The following NOX4 variants were observed in gnomAD, a reference collection of about 807,000 sequenced individuals.
NOX4 encodes kidney oxidase-1.
NOX4 carries 69 observed loss-of-function variants against 87.6 expected under a neutral mutation model. The ratio of observed to expected loss-of-function variants is 0.79; its 90% CI spans 0.65 to 0.96. The LOEUF (loss-of-function observed/expected upper bound fraction) is 0.96, where lower values mean the gene tolerates loss of function less well. Among genes scored for constraint, NOX4 ranks in the 40% least tolerant of loss-of-function variants. NOX4 has a pLI of 0.00. For synonymous variants in NOX4, 275 were observed against 238.2 expected (o/e 1.15, Z -1.42); for missense variants, 680 against 681.5 (o/e 1.00, Z 0.02).
intron 13 of NOX4, among the ~76,000 whole-genome samples, chr11:89,349,679 A>G (rs1376470801): frequency 6.6e-6 from 1 of 152,216 alleles, no homozygotes; most frequent in Admixed American, 6.5e-5. Flanking sequence ...AACAGTTCCG[A>G]TATTAGGAAG....
chr11:89,436,416 CT>C lies in NOX4; in HGVS notation c.476-3561del, dbSNP rs375467586. Among the ~76,000 whole-genome samples the C allele has an allele frequency of 2.9e-3, 442 of 152,270 alleles. 1 individual carries two copies. The highest frequency in any genetic ancestry group is 8.8e-3 in the African/African-American group (365 of 41,550). On this transcript the variant is annotated intron_variant, in intron 6 of 17. Coordinates refer to ENST00000263317, the MANE Select transcript of NOX4 (RefSeq NM_016931.5). ...AGTCTAATCTCACCGGGCAAAGTTG[CT>C]TGTCCAAGTGAAGTACCTTGATTCT...
At chr11:89,555,182 T>TA in the NOX4 span, among the ~76,000 whole-genome samples, 95,188 of 149,928 alleles carry the variant, frequency 0.63, 30,445 homozygotes, top group Non-Finnish European at 0.69. Context: ...CCAGAGTTGT[T>TA]AAAAAAAAAA....
At chr11:89,461,852 G>A (rs994541818) in intron 2 of NOX4, among the ~76,000 whole-genome samples, 7 of 151,842 alleles carry the variant, frequency 4.6e-5, no homozygotes, top group African/African-American at 7.3e-5. Flanking sequence ...TAATGTTTGC[G>A]TTACCCATCT....
intron 5 of NOX4, 73 bp downstream of exon 5, chr11:89,444,062 G>C: frequency 7.6e-7 from 1 of 1,309,588 alleles, no homozygotes; most frequent in Non-Finnish European, 1.1e-6. Flanking sequence ...CAAATTTTCA[G>C]GGAAAAATCA....
At chr11:89,388,688 T>C (rs1940895830) in intron 11 of NOX4, among the ~76,000 whole-genome samples, 1 of 152,130 alleles carries the variant, frequency 6.6e-6, no homozygotes, top group South Asian at 2.1e-4. Context: ...TAGAAGACCA[T>C]AAAAGGCAAA....
intron 12 of NOX4, among the ~76,000 whole-genome samples, chr11:89,362,623 C>T (rs1315907767): frequency 1.3e-5 from 2 of 151,756 alleles, no homozygotes; most frequent in African/African-American, 2.4e-5. Flanking sequence ...TCTATCTATA[C>T]GTGTGTGTGT....
intron 7 of NOX4, among the ~76,000 whole-genome samples, chr11:89,428,105 T>C (rs939412540): frequency 2.6e-5 from 4 of 152,176 alleles, no homozygotes; most frequent in African/African-American, 9.7e-5. Flanking sequence ...CAGAATTTCA[T>C]ATCCAACCAA....
chr11:89,438,190 A>C (rs1944179684), intron 6 of NOX4, among the ~76,000 whole-genome samples: 1 of 146,340 alleles, frequency 6.8e-6, no homozygotes, highest in South Asian at 2.1e-4. Flanking sequence ...TATAAGAAGT[A>C]TTAGTTATTA....
intron 11 of NOX4, among the ~76,000 whole-genome samples, chr11:89,380,344 G>A (rs919204255): frequency 1.3e-5 from 2 of 152,122 alleles, no homozygotes; most frequent in Non-Finnish European, 1.5e-5. Context: ...CTGCTTATTG[G>A]TCAAACCCAT....
In NOX4 at chr11:89,421,908, A is replaced by G; in HGVS notation, c.623T>C (p.Val208Ala). ...CATACATTTGTAAACTTACCCTGAA[A>G]CATGCAACGTCAGCAGCATGTAGAA... Reference protein sequence around the residue: ...FVFYMLLTLHVSGGLLKYQTN... With the variant: ...FVFYMLLTLHASGGLLKYQTN... Residue 208 changes from valine (V) to alanine (A), a missense_variant, in exon 8 of 18, where the codon GTT becomes GCT. By Grantham distance (64) the Val-to-Ala change is moderately conservative. Transcript: ENST00000263317. 6.4e-7 allele frequency: 1 copy of G among 1,566,266 alleles called. No individual in the cohort carries two copies. The highest frequency in any genetic ancestry group is 8.6e-7 in the Non-Finnish European group (1 of 1,158,508).
At chr11:89,479,250 G>A (rs904456676) in intron 2 of NOX4, among the ~76,000 whole-genome samples, 1 of 152,038 alleles carries the variant, frequency 6.6e-6, no homozygotes, top group African/African-American at 2.4e-5. Context: ...TGGAAGAAAA[G>A]GAAGCTTACA....
rs1940030219 is a variant in NOX4, at chr11:89,378,476, C to G, written c.1075-4984G>C. Among the ~76,000 whole-genome samples the G allele has an allele frequency of 2.0e-5, 3 of 152,118 alleles. No homozygotes were observed. The South Asian group carries it at 6.2e-4, about 31-fold the overall frequency. On this transcript the variant is annotated intron_variant, in intron 11 of 17. Transcript: ENST00000263317. ...CGACTCTTATGCTCCTTATTACAGT[C>G]TAGCCCTTTATTTTTACATGATTTT...
At chr11:89,569,593 G>C in the NOX4 span, among the ~76,000 whole-genome samples, 1 of 152,188 alleles carries the variant, frequency 6.6e-6, no homozygotes, top group African/African-American at 2.4e-5. Flanking sequence ...TACACTGCTA[G>C]CAGGAATGTA....
At chr11:89,438,610 AAT>A (rs1174578841) in intron 6 of NOX4, among the ~76,000 whole-genome samples, 1 of 86,308 alleles carries the variant, frequency 1.2e-5, no homozygotes, top group Non-Finnish European at 2.0e-5. Context: ...TACTATATAT[AAT>A]ATATAGTATA....
intron 13 of NOX4, among the ~76,000 whole-genome samples, chr11:89,352,678 T>C (rs1322238005): frequency 1.3e-5 from 2 of 152,162 alleles, no homozygotes; most frequent in African/African-American, 2.4e-5. Flanking sequence ...ATAGTATAAA[T>C]AGAGAACTAG....
chr11:89,440,801 C>A (rs1944424108), intron 5 of NOX4, 86 bp from the exon 6 acceptor site: 4 of 682,936 alleles, frequency 5.9e-6, no homozygotes, highest in Non-Finnish European at 4.8e-6. Context: ...GATCTACAAA[C>A]CACATACTTG....
At chr11:89,452,086 G>C (rs1216004859) in intron 2 of NOX4, among the ~76,000 whole-genome samples, 191 bp from the exon 3 acceptor site, 28 of 152,204 alleles carry the variant, frequency 1.8e-4, no homozygotes, top group Admixed American at 1.8e-3. Context: ...TTTCTGTTCT[G>C]CACTGCCACA....
At chr11:89,491,445 G>A, upstream of NOX4, 1 of 539,474 alleles carries the variant, frequency 1.9e-6, no homozygotes, top group Non-Finnish European at 3.2e-6. Context: ...TTTTCCGGGC[G>A]CCCTGACTCC....
upstream of NOX4, among the ~76,000 whole-genome samples, chr11:89,494,974 G>T (rs141353494): frequency 6.6e-6 from 1 of 152,104 alleles, no homozygotes; most frequent in African/African-American, 2.4e-5. Flanking sequence ...ACAGGATCTC[G>T]CTGTGTCACC....
Sources: allele counts gnomAD v4.1 joint callset (sites outside exome capture counted in the v4.1 genomes callset), GRCh38; gene constraint gnomAD v4.1.1; transcripts MANE v1.5; gene names NCBI Gene and HGNC (gene_info 2026-07-23, HGNC 2026-07-21).